The following MAGI2 variants were observed in gnomAD, a reference collection of about 807,000 sequenced individuals.
The protein encoded by MAGI2 is membrane associated guanylate kinase, WW and PDZ domain containing 2, also known as membrane-associated guanylate kinase, WW and PDZ domain-containing protein 2.
In MAGI2, 35 loss-of-function variants were observed where a neutral mutation model predicts 133.3. That is an observed-to-expected ratio of 0.26 (90% confidence interval 0.20 to 0.35). The LOEUF (loss-of-function observed/expected upper bound fraction) is 0.35, where lower values mean the gene tolerates loss of function less well. Among genes scored for constraint, MAGI2 ranks in the 10% least tolerant of loss-of-function variants. MAGI2 has a pLI of 1.00. For synonymous variants in MAGI2, 729 were observed against 710.6 expected (o/e 1.03, Z -0.41); for missense variants, 1,636 against 1,863.4 (o/e 0.88, Z 2.25).
chr7:79,016,902 A>C (rs1357370277), intron 1 of MAGI2, among the ~76,000 whole-genome samples: 1 of 152,242 alleles, frequency 6.6e-6, no homozygotes, highest in African/African-American at 2.4e-5. Flanking sequence ...CAGGACACAC[A>C]GTCCCATGCC....
At chr7:78,743,283 A>C (rs565278271) in intron 2 of MAGI2, among the ~76,000 whole-genome samples, 2 of 152,352 alleles carry the variant, frequency 1.3e-5, no homozygotes, top group Non-Finnish European at 2.9e-5. Context: ...ACTGTTTAAT[A>C]AAATGTACTT....
intron 6 of MAGI2, among the ~76,000 whole-genome samples, chr7:78,428,288 T>G (rs1237337534): frequency 6.6e-6 from 1 of 152,156 alleles, no homozygotes; most frequent in Non-Finnish European, 1.5e-5. Context: ...TATGCTTCTT[T>G]ATAAATACAA....
At chr7:78,591,561 A>G (rs1804008069) in intron 3 of MAGI2, among the ~76,000 whole-genome samples, 1 of 152,244 alleles carries the variant, frequency 6.6e-6, no homozygotes, top group African/African-American at 2.4e-5. Context: ...ACATCCACGT[A>G]GCCTCTAGCT....
At chr7:78,928,367 T>C (rs1799867262) in intron 2 of MAGI2, among the ~76,000 whole-genome samples, 1 of 151,786 alleles carries the variant, frequency 6.6e-6, no homozygotes, top group Non-Finnish European at 1.5e-5. Context: ...ACAAGTGCAG[T>C]CATGAGGTTC....
At chr7:79,100,659 A>G (rs1003874286) in intron 1 of MAGI2, among the ~76,000 whole-genome samples, 1 of 151,610 alleles carries the variant, frequency 6.6e-6, no homozygotes, top group South Asian at 2.1e-4. Context: ...TTAAAAAATT[A>G]TGTATATTAT....
At chr7:79,389,503 T>C (rs1365362966) in intron 1 of MAGI2, among the ~76,000 whole-genome samples, 5 of 152,176 alleles carry the variant, frequency 3.3e-5, no homozygotes, top group Admixed American at 2.0e-4. Flanking sequence ...AACTGTTTAG[T>C]AGCAAATGCC....
At chr7:79,047,502 C>T (rs527779330) in intron 1 of MAGI2, among the ~76,000 whole-genome samples, 7 of 151,998 alleles carry the variant, frequency 4.6e-5, no homozygotes, top group South Asian at 2.1e-4. Context: ...TTTAACAAAA[C>T]GAGAAAATGC....
intron 3 of MAGI2, among the ~76,000 whole-genome samples, chr7:78,574,996 T>G (rs1256087191): frequency 6.6e-6 from 1 of 152,198 alleles, no homozygotes; most frequent in Non-Finnish European, 1.5e-5. Context: ...AACCATCTCA[T>G]CCTCATCCTG....
chr7:78,406,967 T>C (rs1310100476), intron 6 of MAGI2, among the ~76,000 whole-genome samples: 1 of 152,044 alleles, frequency 6.6e-6, no homozygotes, highest in Non-Finnish European at 1.5e-5. Context: ...TGTAAATTCA[T>C]GGACATGCAG....
At chr7:78,123,825 C>T (rs1820702203) in intron 20 of MAGI2, among the ~76,000 whole-genome samples, 1 of 152,126 alleles carries the variant, frequency 6.6e-6, no homozygotes, top group South Asian at 2.1e-4. Flanking sequence ...GCCTGGTGAC[C>T]CCACTCCTAG....
At chr7:78,479,933 C>A (rs1383476724) in intron 6 of MAGI2, among the ~76,000 whole-genome samples, 1 of 151,708 alleles carries the variant, frequency 6.6e-6, no homozygotes, top group Admixed American at 6.6e-5. Context: ...ATAGAAATTA[C>A]AGAATGGAAA....
At chr7:78,559,917 A>G (rs1235677479) in intron 3 of MAGI2, among the ~76,000 whole-genome samples, 2 of 152,170 alleles carry the variant, frequency 1.3e-5, no homozygotes, top group Non-Finnish European at 2.9e-5. Context: ...AAACAGTCCT[A>G]CAAGGAAGAA....
At chr7:79,119,865 A>G (rs1819735628) in intron 1 of MAGI2, among the ~76,000 whole-genome samples, 1 of 152,132 alleles carries the variant, frequency 6.6e-6, no homozygotes, top group African/African-American at 2.4e-5. Context: ...TTCAAAAAAT[A>G]AAATCTGCAG....
At chr7:78,390,855 C>T (rs1203109401) in intron 6 of MAGI2, among the ~76,000 whole-genome samples, 1 of 152,144 alleles carries the variant, frequency 6.6e-6, no homozygotes, top group Admixed American at 6.6e-5. Context: ...ACACTGATCT[C>T]ATAAATGATT....
chr7:79,288,137 G>A (rs1836166375), intron 1 of MAGI2, among the ~76,000 whole-genome samples: 1 of 152,112 alleles, frequency 6.6e-6, no homozygotes, highest in Admixed American at 6.6e-5. Flanking sequence ...ACCACTAAGA[G>A]CACAGACATT....
chr7:79,252,787 T>C (rs2129555795), intron 1 of MAGI2, among the ~76,000 whole-genome samples: 1 of 152,246 alleles, frequency 6.6e-6, no homozygotes, highest in East Asian at 1.9e-4. Context: ...TATGACTTAA[T>C]ATTAAGAGAC....
intron 9 of MAGI2, among the ~76,000 whole-genome samples, chr7:78,320,572 C>T (rs375848631): frequency 1.3e-5 from 2 of 152,006 alleles, no homozygotes; most frequent in Non-Finnish European, 1.5e-5. Flanking sequence ...AAATTCAAGA[C>T]GTCCTCATGC....
intron 2 of MAGI2, among the ~76,000 whole-genome samples, chr7:78,663,938 A>G (rs1042656537): frequency 4.6e-5 from 7 of 152,220 alleles, no homozygotes; most frequent in African/African-American, 1.7e-4. Context: ...AGCAGCACAT[A>G]TAATACATTG....
intron 9 of MAGI2, among the ~76,000 whole-genome samples, chr7:78,301,122 T>A (rs1797783728): frequency 6.6e-6 from 1 of 152,144 alleles, no homozygotes; most frequent in Non-Finnish European, 1.5e-5. Flanking sequence ...ACCAAGCATT[T>A]AATGACCATG....
Sources: allele counts gnomAD v4.1 joint callset (sites outside exome capture counted in the v4.1 genomes callset), GRCh38; gene constraint gnomAD v4.1.1; transcripts MANE v1.5; gene names NCBI Gene and HGNC (gene_info 2026-07-23, HGNC 2026-07-21).